The following DPP10 variants were observed in gnomAD, a reference collection of about 807,000 sequenced individuals.
DPP10 encodes inactive dipeptidyl peptidase 10.
DPP10 carries 33 observed loss-of-function variants against 120.9 expected under a neutral mutation model. That is an observed-to-expected ratio of 0.27 (90% CI 0.21 to 0.37). The LOEUF (loss-of-function observed/expected upper bound fraction) is 0.37. Among genes scored for constraint, DPP10 ranks in the 10% least tolerant of loss-of-function variants. The probability of loss-of-function intolerance (pLI) is 1.00; values close to 1 mark genes in which losing one functional copy is unlikely to be tolerated. For synonymous variants in DPP10, 337 were observed against 326.1 expected (o/e 1.03, Z -0.36); for missense variants, 816 against 942.8 (o/e 0.87, Z 1.76).
chr2:114,470,781 T>C (rs1354813392), intron 1 of DPP10, among the ~76,000 whole-genome samples: 2 of 152,226 alleles, frequency 1.3e-5, no homozygotes, highest in African/African-American at 2.4e-5. Flanking sequence ...AAAGCCAGAG[T>C]ATCTTACTTA....
intron 1 of DPP10, among the ~76,000 whole-genome samples, chr2:114,684,862 T>A (rs909216603): frequency 2.0e-5 from 3 of 151,946 alleles, no homozygotes; most frequent in Non-Finnish European, 4.4e-5. Context: ...ATACTTAGTG[T>A]TGTGTTTGTA....
At chr2:114,621,627 AG>A (rs1694098268) in intron 1 of DPP10, among the ~76,000 whole-genome samples, 1 of 152,010 alleles carries the variant, frequency 6.6e-6, no homozygotes, top group Non-Finnish European at 1.5e-5. Context: ...TGGAGTTAAA[AG>A]GGATCTTCAA....
intron 4 of DPP10, among the ~76,000 whole-genome samples, chr2:115,504,630 C>T (rs1282684975): frequency 6.6e-6 from 1 of 151,932 alleles, no homozygotes; most frequent in East Asian, 1.9e-4. Flanking sequence ...TAGGATGTAA[C>T]ATTGATGTAC....
At chr2:114,798,777 A>G (rs896786827) in intron 1 of DPP10, among the ~76,000 whole-genome samples, 2 of 152,170 alleles carry the variant, frequency 1.3e-5, no homozygotes, top group East Asian at 1.9e-4. Context: ...TGGAAAATTA[A>G]TATTTCTTCA....
At chr2:114,813,983 CA>C (rs1685408108) in intron 1 of DPP10, among the ~76,000 whole-genome samples, 4 of 149,010 alleles carry the variant, frequency 2.7e-5, no homozygotes, top group Admixed American at 1.3e-4. Flanking sequence ...CACACACACA[CA>C]CACCACGAGC....
intron 5 of DPP10, among the ~76,000 whole-genome samples, chr2:115,557,339 AT>A (rs2080278747): frequency 6.6e-6 from 1 of 152,166 alleles, no homozygotes; most frequent in Non-Finnish European, 1.5e-5. Flanking sequence ...AAAGCCTACC[AT>A]ATAGAAGCAA....
chr2:115,096,818 A>G (rs950687959), intron 1 of DPP10, among the ~76,000 whole-genome samples: 8 of 152,130 alleles, frequency 5.3e-5, no homozygotes, highest in African/African-American at 1.4e-4. Context: ...TTGATGACAA[A>G]TTTGTTATTT....
chr2:115,593,631 C>A (rs779487166), intron 5 of DPP10, among the ~76,000 whole-genome samples: 2 of 151,988 alleles, frequency 1.3e-5, no homozygotes, highest in Non-Finnish European at 2.9e-5. Context: ...AGAATTCAGA[C>A]TAAAATGTAG....
intron 1 of DPP10, among the ~76,000 whole-genome samples, chr2:114,672,933 G>A (rs1431307965): frequency 6.6e-6 from 1 of 152,076 alleles, no homozygotes; most frequent in Non-Finnish European, 1.5e-5. Flanking sequence ...TGATGTCAAG[G>A]AGCATGGCAT....
intron 1 of DPP10, among the ~76,000 whole-genome samples, chr2:114,469,955 C>T (rs1356179249): frequency 6.6e-6 from 1 of 152,140 alleles, no homozygotes; most frequent in Admixed American, 6.5e-5. Context: ...AGGACAAAAA[C>T]AAACCAGGGT....
intron 21 of DPP10, among the ~76,000 whole-genome samples, chr2:115,829,979 A>T (rs1575924666): frequency 1.3e-5 from 2 of 151,880 alleles, no homozygotes; most frequent in South Asian, 4.1e-4. Flanking sequence ...AATAATTTTA[A>T]TTTTTTTTAA....
At chr2:115,759,502 CA>C (rs1369193294) in intron 11 of DPP10, among the ~76,000 whole-genome samples, 2 of 151,036 alleles carry the variant, frequency 1.3e-5, no homozygotes, top group Admixed American at 6.6e-5. Context: ...ACTAAAATAA[CA>C]AAAAACTGAC....
At chr2:115,762,186 G>T (rs573472809) in intron 11 of DPP10, among the ~76,000 whole-genome samples, 1 of 152,068 alleles carries the variant, frequency 6.6e-6, no homozygotes, top group African/African-American at 2.4e-5. Context: ...TTTATTCCTG[G>T]CTGTTTGCCC....
Position 115,689,719 on chromosome 2 carries a change from G to T in DPP10, c.474G>T (p.Val158=). Residue 158 remains valine, a synonymous_variant, in exon 6 of 26, where the codon GTG becomes GTT. Coordinates refer to ENST00000410059, the MANE Select transcript of DPP10 (RefSeq NM_020868.6). Reference sequence around the variant, plus strand: ...ATTATTCGTATACTGCTTCATATGTGATTTACAACATACACACTAGGTAAG... The same window carrying T: ...ATTATTCGTATACTGCTTCATATGTTATTTACAACATACACACTAGGTAAG... ...IFHYSYTASY[V]IYNIHTREVW... 1.3e-6 allele frequency: 2 copies of T among 1,591,594 alleles called. No individual in the cohort carries two copies. Among genetic ancestry groups the T allele is most frequent in the Non-Finnish European group, 1.7e-6 (2 of 1,163,674 alleles).
chr2:115,815,951 C>T (rs192281442), intron 21 of DPP10, among the ~76,000 whole-genome samples: 81 of 151,442 alleles, frequency 5.3e-4, no homozygotes, highest in African/African-American at 1.9e-3. Context: ...TATATACATA[C>T]ATATATGTAT....
intron 3 of DPP10, among the ~76,000 whole-genome samples, chr2:115,430,648 A>G (rs1323203949): frequency 6.6e-6 from 1 of 152,214 alleles, no homozygotes; most frequent in African/African-American, 2.4e-5. Flanking sequence ...CAACACGTAT[A>G]AAGAAACAGC....
chr2:114,923,592 C>T (rs1036514302), intron 1 of DPP10, among the ~76,000 whole-genome samples: 1 of 150,832 alleles, frequency 6.6e-6, no homozygotes, highest in African/African-American at 2.4e-5. Flanking sequence ...CATTCTCCTG[C>T]CTCAGCCTCC....
chr2:115,650,817 G>A (rs539773909), intron 5 of DPP10, among the ~76,000 whole-genome samples: 6 of 152,010 alleles, frequency 3.9e-5, no homozygotes, highest in South Asian at 2.1e-4. Context: ...GAGGAGGAGC[G>A]GAAAAGGAGT....
intron 1 of DPP10, among the ~76,000 whole-genome samples, chr2:114,958,801 A>T (rs1009228686): frequency 2.6e-5 from 4 of 152,120 alleles, no homozygotes; most frequent in East Asian, 3.9e-4. Context: ...AATAGATTTG[A>T]TATTATGAGA....
Sources: allele counts gnomAD v4.1 joint callset (sites outside exome capture counted in the v4.1 genomes callset), GRCh38; gene constraint gnomAD v4.1.1; transcripts MANE v1.5; gene names NCBI Gene and HGNC (gene_info 2026-07-23, HGNC 2026-07-21).